The following CEMIP variants were observed in gnomAD, a reference collection of about 807,000 sequenced individuals.
The protein encoded by CEMIP is cell migration inducing hyaluronidase 1.
A neutral mutation model predicts 156.9 loss-of-function variants in CEMIP; 105 were observed. That is an observed-to-expected ratio of 0.67 (90% confidence interval 0.57 to 0.79). The LOEUF (loss-of-function observed/expected upper bound fraction) is 0.79. Ranked by LOEUF, CEMIP falls within the 30% of genes least tolerant of loss-of-function variation. The pLI is 0.00. For missense variants in CEMIP, 1,457 were observed against 1,769.4 expected, an observed-to-expected ratio of 0.82 and a Z score of 3.17; for synonymous variants, 676 against 668.4, an observed-to-expected ratio of 1.01 and a Z score of -0.17.
intron 1 of CEMIP, among the ~76,000 whole-genome samples, chr15:80,859,013 C>T (rs540201087): frequency 7.9e-5 from 12 of 152,308 alleles, no homozygotes; most frequent in South Asian, 2.1e-4. Flanking sequence ...AGGGTGGCCC[C>T]AGCAACTCCA....
At chr15:80,881,776 G>A (rs1014408399) in intron 6 of CEMIP, among the ~76,000 whole-genome samples, 3 of 152,218 alleles carry the variant, frequency 2.0e-5, no homozygotes, top group African/African-American at 4.8e-5. Flanking sequence ...CCTTCTGGCT[G>A]TAGAGAATGG....
In CEMIP at chr15:80,821,072, A is replaced by C. The variant is rs114941430; in HGVS notation, c.-176+41458A>C. Among the ~76,000 whole-genome samples the C allele has an allele frequency of 7.9e-3, 1,196 of 152,338 alleles. 16 individuals are homozygous for C. The highest frequency in any genetic ancestry group is 0.026 in the African/African-American group (1,082 of 41,572). The stretch of plus-strand genomic sequence containing the variant: ...TAGTTGGAAAGGAACTGTTCAAACA[A>C]CTGGCTCTGTGCTGGTTGCTCAGAA... On this transcript the variant is annotated intron_variant, in intron 1 of 29. Transcript: ENST00000394685.
At chr15:80,893,167 G>T (rs985731876) in intron 10 of CEMIP, among the ~76,000 whole-genome samples, 10 of 151,586 alleles carry the variant, frequency 6.6e-5, no homozygotes, top group Admixed American at 6.6e-4. Context: ...GGGCAAGAGA[G>T]TGAGGCTCTG....
In CEMIP at chr15:80,932,061, A is replaced by G. The variant is rs1900937787; in HGVS notation, c.2793+22A>G. 2 of 1,610,226 alleles carry G rather than the reference A, an allele frequency of 1.2e-6. No homozygotes were observed. The highest frequency in any genetic ancestry group is 1.7e-6 in the Non-Finnish European group (2 of 1,179,902). On this transcript the variant is annotated intron_variant, in intron 22 of 29. Coordinates refer to ENST00000394685, the MANE Select transcript of CEMIP (RefSeq NM_001293298.2). This position sits in a 1 kb window ranked among gnomAD's most constrained non-coding sequence, Gnocchi z 4.5. ...TCCGGTGAGTGAGGCGCCAGGGCAG[A>G]CTCCCGGCAAACCCAGACTTTGGAT...
chr15:80,818,403 T>A (rs575209200), intron 1 of CEMIP, among the ~76,000 whole-genome samples: 1 of 152,296 alleles, frequency 6.6e-6, no homozygotes, highest in Admixed American at 6.5e-5. Context: ...GCAGGAGAAG[T>A]GCAAACTTAT....
Position 80,937,807 on chromosome 15 carries a change from C to T in CEMIP, c.3235C>T (p.Arg1079Ter), listed in dbSNP as rs773445642. Residue 1079 changes from arginine to a stop codon, truncating the protein, a stop_gained, in exon 25 of 30, where the codon CGA becomes TGA. Transcript: ENST00000394685. LOFTEE classifies it high-confidence loss of function. The stretch of plus-strand genomic sequence containing the variant: ...TTCCAATCCTAGGGGCGACTGGATC[C>T]GAGTGGGGCTCTGCTACCCGCGAGG... ...LINFNKGDWIRVGLCYPRGTT... is the reference protein window; with the variant it reads ...LINFNKGDWI 3 of 1,614,094 alleles carry T rather than the reference C, an allele frequency of 1.9e-6. No individual in the cohort carries two copies. The highest frequency in any genetic ancestry group is 2.5e-6 in the Non-Finnish European group (3 of 1,180,042).
In CEMIP at chr15:80,859,033, A is replaced by G. The variant is rs542593009; in HGVS notation, c.-175-14505A>G. 1.2e-4 allele frequency among the ~76,000 whole-genome samples: 18 copies of G among 152,360 alleles called. No individual in the cohort carries two copies. The South Asian group carries it at 1.2e-3, about 11-fold the overall frequency. ...GGCCCCAGCAACTCCAGGCTTGCCA[A>G]CCACAGTGGGATGAGATCCAGCTTT... On this transcript the variant is annotated intron_variant, in intron 1 of 29. Transcript: ENST00000394685.
intron 10 of CEMIP, among the ~76,000 whole-genome samples, chr15:80,890,607 A>C (rs964432361): frequency 4.0e-5 from 6 of 150,562 alleles, no homozygotes; most frequent in Admixed American, 1.3e-4. Context: ...ACAAAAAAAA[A>C]CCAGGCATTT....
intron 10 of CEMIP, among the ~76,000 whole-genome samples, chr15:80,890,042 T>G (rs1405212190): frequency 6.6e-6 from 1 of 152,172 alleles, no homozygotes; most frequent in Non-Finnish European, 1.5e-5. Flanking sequence ...ATGGACAGTG[T>G]TTGCTCAAAA....
At chr15:80,891,611 T>A (rs1899035139) in intron 10 of CEMIP, among the ~76,000 whole-genome samples, 1 of 152,222 alleles carries the variant, frequency 6.6e-6, no homozygotes. Flanking sequence ...CCCAATTCCA[T>A]AATAAGACCT....
intron 1 of CEMIP, among the ~76,000 whole-genome samples, chr15:80,809,421 T>G (rs1896602982): frequency 6.6e-6 from 1 of 152,278 alleles, no homozygotes; most frequent in African/African-American, 2.4e-5. Context: ...TATTAAATAT[T>G]TCTTCAATCA....
At position 80,927,386 on chromosome 15, in the gene CEMIP, G is replaced by A. The variant is rs1484861722; in HGVS notation, c.2421-1516G>A. Among the ~76,000 whole-genome samples the A allele has an allele frequency of 2.0e-5, 3 of 152,196 alleles. No individual in the cohort carries two copies. The East Asian group carries it at 5.8e-4, about 29-fold the overall frequency. On this transcript the variant is annotated intron_variant, in intron 19 of 29. Coordinates refer to ENST00000394685, the MANE Select transcript of CEMIP (RefSeq NM_001293298.2). ...CCTCATCCCTAGAGCAGACCCTAGA[G>A]CATCCTTGGGAGGGGCACTACACAG...
At chr15:80,793,766 G>C (rs925703043) in intron 1 of CEMIP, among the ~76,000 whole-genome samples, 1 of 152,170 alleles carries the variant, frequency 6.6e-6, no homozygotes, top group Non-Finnish European at 1.5e-5. Flanking sequence ...TTGGTCTAGG[G>C]AATTCCCTTT....
Position 80,868,866 on chromosome 15 carries a change from A to G in CEMIP, c.-175-4672A>G, listed in dbSNP as rs575758523. ...GGTAGTGTTTGCTTCAATTATTACT[A>G]TTATCATTACAGGTGAGAAACCTGT... On this transcript the variant is annotated intron_variant, in intron 1 of 29. Transcript: ENST00000394685. Among the ~76,000 whole-genome samples the G allele has an allele frequency of 1.1e-4, 17 of 152,292 alleles. No individual in the cohort carries two copies. In the South Asian group the frequency reaches 1.7e-3, roughly 15 times the overall value.
At chr15:80,878,103 A>G (rs1407579080) in intron 3 of CEMIP, among the ~76,000 whole-genome samples, 3 of 152,232 alleles carry the variant, frequency 2.0e-5, no homozygotes, top group South Asian at 2.1e-4. Flanking sequence ...ATGTCCCATT[A>G]TAAGAGTCAC....
At chr15:80,939,712 C>T (rs1288925418) in intron 25 of CEMIP, among the ~76,000 whole-genome samples, 19 of 152,278 alleles carry the variant, frequency 1.2e-4, no homozygotes, top group Middle Eastern at 3.4e-3. Context: ...AATTCAGCAA[C>T]GCCTTAGGGA....
chr15:80,888,549 GAATGTCCT>G (rs1027623678), intron 8 of CEMIP, 144 bp from the exon 9 acceptor site: 1 of 666,044 alleles, frequency 1.5e-6, no homozygotes, highest in African/African-American at 1.8e-5. Context: ...CCAAGTGAAT[GAATGTCCT>G]AATTTTCTTT....
chr15:80,827,513 G>C (rs1402523856), intron 1 of CEMIP, among the ~76,000 whole-genome samples: 1 of 152,088 alleles, frequency 6.6e-6, no homozygotes, highest in African/African-American at 2.4e-5. Context: ...CTGCTACTTG[G>C]GAAGCTGAGG....
chr15:80,890,723 A>G, intron 10 of CEMIP, among the ~76,000 whole-genome samples: 1 of 152,190 alleles, frequency 6.6e-6, no homozygotes, highest in East Asian at 1.9e-4. Flanking sequence ...GTCCCAGGTC[A>G]GCTCGAGTCC....
Sources: allele counts gnomAD v4.1 joint callset (sites outside exome capture counted in the v4.1 genomes callset), GRCh38; gene constraint gnomAD v4.1.1; non-coding constraint Gnocchi (gnomAD v3.1); transcripts MANE v1.5; gene names NCBI Gene and HGNC (gene_info 2026-07-23, HGNC 2026-07-21).